The following KIAA2012 variants were observed in gnomAD, a reference collection of about 807,000 sequenced individuals.
The protein encoded by KIAA2012 is uncharacterized protein KIAA2012.
In KIAA2012, 125 loss-of-function variants were observed where a neutral mutation model predicts 150.6. That is an observed-to-expected ratio of 0.83 (90% CI 0.72 to 0.96). The LOEUF (loss-of-function observed/expected upper bound fraction) is 0.96. Among genes scored for constraint, KIAA2012 ranks in the 40% least tolerant of loss-of-function variants. The pLI is 0.00. For missense variants in KIAA2012, 1,219 were observed against 1,354.9 expected, an observed-to-expected ratio of 0.90 and a Z score of 1.57; for synonymous variants, 462 against 504.7, an observed-to-expected ratio of 0.92 and a Z score of 1.13.
Position 202,103,020 on chromosome 2 carries a change from T to C in KIAA2012, c.1230T>C (p.Phe410=). 6.4e-7 allele frequency: 1 copy of C among 1,550,504 alleles called. No homozygotes were observed. Among genetic ancestry groups the C allele is most frequent in the South Asian group, 1.2e-5 (1 of 84,050 alleles). The change falls in exon 8 of 24, where the codon TTT becomes TTC. Residue 410 remains phenylalanine, a synonymous_variant. Transcript: ENST00000498697. ...PRVLEPLKSQ[F]KANEPPTELF... is the part of the protein sequence containing the mutation. ...TCTTGGAGCCCCTGAAGAGCCAATTTAAAGCCAATGAGCCCCCAACAGAGC... is the reference window on the plus strand; with the variant it reads ...TCTTGGAGCCCCTGAAGAGCCAATTCAAAGCCAATGAGCCCCCAACAGAGC...
intron 6 of KIAA2012, 91 bp downstream of exon 6, chr2:202,099,887 C>G: frequency 9.2e-7 from 1 of 1,091,774 alleles, no homozygotes; most frequent in Non-Finnish European, 1.3e-6. Flanking sequence ...AACATCACTT[C>G]CTTGCGCCAC....
At chr2:202,154,539 A>G in intron 13 of KIAA2012, 134 bp from the exon 14 acceptor site, 1 of 791,258 alleles carries the variant, frequency 1.3e-6, no homozygotes, top group Non-Finnish European at 2.0e-6. Flanking sequence ...TTCAACAGTA[A>G]CAATAGTTGC....
intron 13 of KIAA2012, among the ~76,000 whole-genome samples, chr2:202,146,855 A>G (rs1280199284): frequency 6.6e-6 from 1 of 152,192 alleles, no homozygotes; most frequent in African/African-American, 2.4e-5. Flanking sequence ...ATGTGGCTTT[A>G]GGCAGGCTAT....
chr2:202,075,136 A>G lies in KIAA2012; in HGVS notation c.330A>G (p.Gln110=), dbSNP rs1055661193. The G allele has an allele frequency of 6.5e-7, 1 of 1,548,980 alleles. No homozygotes were observed. Among genetic ancestry groups the G allele is most frequent in the African/African-American group, 1.4e-5 (1 of 73,050 alleles). The change falls in exon 2 of 24, where the codon CAA becomes CAG. Residue 110 remains glutamine, a synonymous_variant. Transcript: ENST00000498697. Reference sequence around the variant, plus strand: ...TGGATCTTGAACTGCACACACTTCAAGACCTCAAAGAAGCCATCCTGGCAT... The same window carrying G: ...TGGATCTTGAACTGCACACACTTCAGGACCTCAAAGAAGCCATCCTGGCAT... ...RKLDLELHTL[Q]DLKEAILAYG... is the part of the protein sequence containing the mutation.
chr2:202,115,800 CT>C (rs1482796132), intron 11 of KIAA2012: 4 of 149,880 alleles, frequency 2.7e-5, no homozygotes, highest in Admixed American at 2.7e-4. Context: ...TCCATCTGAT[CT>C]TTCTGAGACT....
At chr2:202,078,541 G>C (rs1483193387) in intron 2 of KIAA2012, among the ~76,000 whole-genome samples, 1 of 151,982 alleles carries the variant, frequency 6.6e-6, no homozygotes, top group Non-Finnish European at 1.5e-5. Flanking sequence ...CACCCACCTT[G>C]GCCTCCCAAA....
Position 202,090,893 on chromosome 2 carries a change from T to C in KIAA2012, c.493T>C (p.Trp165Arg). 1 of 1,550,396 alleles carries C rather than the reference T, an allele frequency of 6.4e-7. No homozygotes were observed. The highest frequency in any genetic ancestry group is 8.7e-7 in the Non-Finnish European group (1 of 1,146,832). Reference sequence around the variant, plus strand: ...ATACCTCCGAGGCCTCCTGCGGACTTGGCCCCCAGACGCCATGTATAGGCT... The same window carrying C: ...ATACCTCCGAGGCCTCCTGCGGACTCGGCCCCCAGACGCCATGTATAGGCT... The part of the protein sequence containing the change: ...KRYLRGLLRT[W>R]PPDAMYRLWC... Residue 165 changes from tryptophan (W) to arginine (R), a missense_variant, in exon 3 of 24, where the codon TGG (tryptophan) becomes CGG (arginine). By Grantham distance (101) the Trp-to-Arg change is moderately radical. Transcript: ENST00000498697.
intron 15 of KIAA2012, chr2:202,180,101 A>G (rs777431363): frequency 5.6e-6 from 2 of 353,984 alleles, no homozygotes; most frequent in Admixed American, 3.9e-5. Context: ...GAGAAACCCC[A>G]TCTCTATTAA....
At chr2:202,094,729 G>C (rs1689820279) in intron 4 of KIAA2012, among the ~76,000 whole-genome samples, 1 of 152,066 alleles carries the variant, frequency 6.6e-6, no homozygotes, top group Non-Finnish European at 1.5e-5. Context: ...ATGTTGCCCA[G>C]GCTGGTTTCA....
chr2:202,155,495 T>G (rs1691509103), intron 14 of KIAA2012, among the ~76,000 whole-genome samples: 2 of 152,118 alleles, frequency 1.3e-5, no homozygotes, highest in African/African-American at 4.8e-5. Flanking sequence ...TTTGCCCTCC[T>G]CAGAGCTTAC....
intron 15 of KIAA2012, among the ~76,000 whole-genome samples, chr2:202,172,569 G>A (rs1333323941): frequency 6.6e-6 from 1 of 152,224 alleles, no homozygotes; most frequent in African/African-American, 2.4e-5. Context: ...AGTCTGCCCA[G>A]TGTTAGTGGT....
At chr2:202,189,242 A>G (rs1447928138) in intron 18 of KIAA2012, among the ~76,000 whole-genome samples, 1 of 152,018 alleles carries the variant, frequency 6.6e-6, no homozygotes, top group African/African-American at 2.4e-5. Context: ...TGTGTGTACA[A>G]GCCTACCCTC....
At chr2:202,202,388 T>C (rs1692548531) in intron 22 of KIAA2012, 41 bp from the exon 23 acceptor site, 1 of 400,216 alleles carries the variant, frequency 2.5e-6, no homozygotes, top group Non-Finnish European at 4.4e-6. Context: ...TTCTAGGGTG[T>C]TTAATCATTA....
At chr2:202,135,987 C>G in intron 12 of KIAA2012, 1 of 302,844 alleles carries the variant, frequency 3.3e-6, no homozygotes, top group Non-Finnish European at 6.8e-6. Context: ...CAAGCTGATT[C>G]AAATTTAAAA....
intron 15 of KIAA2012, among the ~76,000 whole-genome samples, chr2:202,178,016 T>C (rs1692033106): frequency 6.6e-6 from 1 of 152,172 alleles, no homozygotes; most frequent in South Asian, 2.1e-4. Flanking sequence ...CTGGCCAACA[T>C]GGTGAAACCC....
chr2:202,131,406 G>C (rs1183286598), intron 12 of KIAA2012, among the ~76,000 whole-genome samples: 2 of 152,214 alleles, frequency 1.3e-5, no homozygotes, highest in African/African-American at 4.8e-5. Flanking sequence ...CTCCCAAAGT[G>C]CTGGGATTAC....
rs112222412 is a variant in KIAA2012, at chr2:202,073,658, C to T, written c.31C>T (p.His11Tyr). 51 of 1,550,338 alleles carry T rather than the reference C, an allele frequency of 3.3e-5. No individual in the cohort carries two copies. The African/African-American group carries it at 5.7e-4, about 17-fold the overall frequency. MFTLSLLSRG[H>Y]GKLGQDKQKL... is the part of the protein sequence containing the mutation. ...CACGCTCTCCCTCCTGAGCCGGGGC[C>T]ACGGGAAGCTGGGCCAGGACAAACA... is the stretch of plus-strand genomic sequence containing the variant. Residue 11 changes from histidine (H) to tyrosine (Y), a missense_variant, in exon 1 of 24, where the codon CAC becomes TAC. By Grantham distance (83) the His-to-Tyr change is moderately conservative. Transcript: ENST00000498697.
chr2:202,098,265 C>A (rs1689944974), intron 5 of KIAA2012, among the ~76,000 whole-genome samples: 1 of 152,198 alleles, frequency 6.6e-6, no homozygotes, highest in African/African-American at 2.4e-5. Context: ...AAGGCTGAGG[C>A]AGGAGAATCG....
chr2:202,076,764 T>A (rs1454797065), intron 2 of KIAA2012, among the ~76,000 whole-genome samples: 1 of 152,118 alleles, frequency 6.6e-6, no homozygotes, highest in Non-Finnish European at 1.5e-5. Flanking sequence ...TCTGCCCTGT[T>A]GTTTGTGGAC....
Sources: allele counts gnomAD v4.1 joint callset (sites outside exome capture counted in the v4.1 genomes callset), GRCh38; gene constraint gnomAD v4.1.1; transcripts MANE v1.5; gene names NCBI Gene and HGNC (gene_info 2026-07-23, HGNC 2026-07-21).